DMD: variants seen among roughly 807,000 people sequenced by gnomAD.
The protein encoded by DMD is dystrophin.
DMD carries 63 observed loss-of-function variants against 330.1 expected under a neutral mutation model. The observed-to-expected ratio is 0.19, with a 90% CI of 0.16 to 0.24. DMD has a LOEUF of 0.24. Among genes scored for constraint, DMD ranks in the 10% least tolerant of loss-of-function variants. DMD has a pLI of 1.00. For synonymous variants in DMD, 1,223 were observed against 959.8 expected (o/e 1.27, Z -5.07); for missense variants, 3,344 against 2,684.1 (o/e 1.25, Z -5.43).
intron 45 of DMD, among the ~76,000 whole-genome samples, chrX:31,937,303 T>C (rs1363390961): frequency 9.0e-6 from 1 of 111,468 alleles, no homozygotes; most frequent in Non-Finnish European, 1.9e-5. Context: ...ATTTTATGGA[T>C]ATTAACCATA....
At chrX:32,913,261 C>A (rs73466820) in intron 2 of DMD, among the ~76,000 whole-genome samples, 269 of 111,567 alleles carry the variant, frequency 2.4e-3, no homozygotes, top group African/African-American at 8.1e-3. Flanking sequence ...GTTTTCCTGC[C>A]GAAGGGCTCT....
intron 3 of DMD, among the ~76,000 whole-genome samples, chrX:32,845,142 T>A (rs1046068948): frequency 4.5e-5 from 5 of 112,123 alleles, no homozygotes; most frequent in Non-Finnish European, 7.5e-5. Context: ...GATTACTGCA[T>A]GACCACCAAT....
At chrX:32,177,874 A>G (rs909399118) in intron 44 of DMD, among the ~76,000 whole-genome samples, 3 of 111,119 alleles carry the variant, frequency 2.7e-5, no homozygotes, top group Non-Finnish European at 5.6e-5. Flanking sequence ...AGTGTTGAAA[A>G]TGTTGATGAG....
chrX:32,123,239 A>ATATATATATATATG (rs2096646322), intron 44 of DMD, among the ~76,000 whole-genome samples: 1 of 86,707 alleles, frequency 1.2e-5, no homozygotes, highest in Non-Finnish European at 2.2e-5. Flanking sequence ...ATATATATAT[A>ATATATATATATATG]TATAAATGAT....
At chrX:32,229,740 TGG>T (rs2097162360) in intron 43 of DMD, among the ~76,000 whole-genome samples, 1 of 81,315 alleles carries the variant, frequency 1.2e-5, no homozygotes, top group Non-Finnish European at 2.3e-5. Flanking sequence ...TCAAAGAGTT[TGG>T]GAATAAGTAT....
At chrX:31,887,097 C>T (rs2094165634) in intron 47 of DMD, among the ~76,000 whole-genome samples, 1 of 111,930 alleles carries the variant, frequency 8.9e-6, no homozygotes, top group Non-Finnish European at 1.9e-5. Flanking sequence ...GCTTTGAAGC[C>T]TATCCTGTTA....
intron 7 of DMD, among the ~76,000 whole-genome samples, chrX:32,713,857 C>T (rs1259593549): frequency 9.0e-6 from 1 of 111,580 alleles, no homozygotes; most frequent in Non-Finnish European, 1.9e-5. Context: ...TATAGTGAGT[C>T]AAAATTGCAT....
At chrX:31,907,598 C>T (rs954713753) in intron 47 of DMD, among the ~76,000 whole-genome samples, 5 of 111,731 alleles carry the variant, frequency 4.5e-5, no homozygotes, top group Non-Finnish European at 9.4e-5. Context: ...CATGTTAGAC[C>T]TAAAACCATA....
chrX:31,747,213 A>C (rs1479652043), intron 51 of DMD, among the ~76,000 whole-genome samples: 1 of 111,482 alleles, frequency 9.0e-6, no homozygotes, highest in East Asian at 2.8e-4. Flanking sequence ...TCAGGAGCTT[A>C]AGAGATGAGC....
At chrX:32,075,543 C>G (rs1471476545) in intron 44 of DMD, among the ~76,000 whole-genome samples, 1 of 111,716 alleles carries the variant, frequency 9.0e-6, no homozygotes, top group Non-Finnish European at 1.9e-5. Flanking sequence ...GAAAATTTAA[C>G]TCTCCAACAA....
chrX:32,257,692 A>G (rs1174176917), intron 43 of DMD, among the ~76,000 whole-genome samples: 3 of 111,637 alleles, frequency 2.7e-5, no homozygotes, highest in Admixed American at 9.6e-5. Context: ...ACTTAAACCT[A>G]AAACCGAAAA....
chrX:33,108,546 A>G (rs1026852408), intron 1 of DMD, among the ~76,000 whole-genome samples: 1 of 107,090 alleles, frequency 9.3e-6, no homozygotes, highest in Non-Finnish European at 1.9e-5. Flanking sequence ...GATTACAGGC[A>G]TGATCCACCG....
chrX:31,738,428 A>G (rs1186616630), intron 51 of DMD, among the ~76,000 whole-genome samples: 1 of 112,325 alleles, frequency 8.9e-6, no homozygotes, highest in Non-Finnish European at 1.9e-5. Flanking sequence ...GCAATAACCA[A>G]TGTTGACAAG....
chrX:31,591,963 A>G lies in DMD; in HGVS notation c.8217+35710T>C, dbSNP rs755888326. Among the ~76,000 whole-genome samples, 8 of 110,757 alleles carry G rather than the reference A, an allele frequency of 7.2e-5. No individual in the cohort carries two copies. In the South Asian group the frequency reaches 3.1e-3, roughly 42 times the overall value. On this transcript the variant is annotated intron_variant, in intron 55 of 78. Coordinates refer to ENST00000357033, the MANE Select transcript of DMD (RefSeq NM_004006.3). ...CATTCAGCCTTTAACACTTGACTCA[A>G]ATGCCACCTCCTCCTCTAAAAAGCC... is the stretch of plus-strand genomic sequence containing the variant.
intron 30 of DMD, among the ~76,000 whole-genome samples, chrX:32,410,990 G>A (rs2098139460): frequency 9.0e-6 from 1 of 111,584 alleles, no homozygotes. Context: ...AATAATTGAG[G>A]TGTAAATTTA....
intron 62 of DMD, among the ~76,000 whole-genome samples, chrX:31,272,138 G>A (rs2051684486): frequency 9.0e-6 from 1 of 111,573 alleles, no homozygotes; most frequent in African/African-American, 3.3e-5. Context: ...ATAAAGTCGA[G>A]CTCTGCTTCA....
intron 52 of DMD, among the ~76,000 whole-genome samples, chrX:31,718,680 C>A (rs1312105134): frequency 2.7e-5 from 3 of 111,371 alleles, no homozygotes; most frequent in Non-Finnish European, 3.8e-5. Flanking sequence ...CCAGGAACCA[C>A]ATCTGTCAGC....
intron 34 of DMD, among the ~76,000 whole-genome samples, chrX:32,372,556 T>C (rs1394891405): frequency 1.8e-5 from 2 of 111,723 alleles, no homozygotes; most frequent in Non-Finnish European, 3.8e-5. Context: ...GAAAAGTATC[T>C]GAACATTTAT....
At position 31,689,122 on chromosome X, in the gene DMD, G is replaced by A. The variant is rs771707649; in HGVS notation, c.7661-9536C>T. On this transcript the variant is annotated intron_variant, in intron 52 of 78. Transcript: ENST00000357033. ...TAGTGTTGGAAGTTCTGGCCAGGGC[G>A]ATCAGGCAGGAAAAAGAAATAAAGG... is the stretch of plus-strand genomic sequence containing the variant. 6.3e-3 allele frequency among the ~76,000 whole-genome samples: 697 copies of A among 111,340 alleles called. 3 individuals are homozygous for A. The highest frequency in any genetic ancestry group is 0.021 in the African/African-American group (656 of 30,630).
Sources: gnomAD v4.1 joint callset for allele counts (sites outside exome capture counted in the v4.1 genomes callset) on GRCh38, gnomAD v4.1.1 for gene constraint, MANE v1.5 for transcripts, NCBI Gene and HGNC (gene_info 2026-07-23, HGNC 2026-07-21) for gene names.